Variants in CAMTA1 observed in about 807,000 individuals in gnomAD.
CAMTA1 encodes calmodulin-binding transcription activator 1.
A neutral mutation model predicts 170.9 loss-of-function variants in CAMTA1; 27 were observed. The observed-to-expected ratio is 0.16, with a 90% CI of 0.12 to 0.22. The LOEUF is 0.22. Ranked by LOEUF, CAMTA1 falls within the 10% of genes least tolerant of loss-of-function variation. CAMTA1 has a pLI of 1.00. For synonymous variants in CAMTA1, 833 were observed against 891.5 expected (o/e 0.93, Z 1.17); for missense variants, 1,619 against 2,217.2 (o/e 0.73, Z 5.42).
chr1:7,713,948 C>T (rs2096590582), intron 11 of CAMTA1, among the ~76,000 whole-genome samples: 3 of 152,092 alleles, frequency 2.0e-5, no homozygotes, highest in South Asian at 4.2e-4. Flanking sequence ...CGCAGCCACT[C>T]GGGGGTCCAC....
chr1:6,974,362 C>T (rs1216739403), intron 3 of CAMTA1, among the ~76,000 whole-genome samples: 1 of 152,202 alleles, frequency 6.6e-6, no homozygotes, highest in African/African-American at 2.4e-5. Flanking sequence ...AATAATTCTG[C>T]TTTATGCAGA....
At chr1:7,135,521 C>T (rs918246869) in intron 4 of CAMTA1, among the ~76,000 whole-genome samples, 3 of 152,182 alleles carry the variant, frequency 2.0e-5, no homozygotes, top group Admixed American at 6.5e-5. Context: ...TTGGAGACCT[C>T]TTACACTCTT....
At chr1:7,544,181 CA>C (rs1319248264) in intron 6 of CAMTA1, among the ~76,000 whole-genome samples, 2 of 152,038 alleles carry the variant, frequency 1.3e-5, no homozygotes, top group Non-Finnish European at 2.9e-5. Context: ...TGGTGGGAAG[CA>C]AAAGGCACTT....
intron 3 of CAMTA1, among the ~76,000 whole-genome samples, chr1:6,985,754 T>C (rs1695253098): frequency 6.6e-6 from 1 of 152,212 alleles, no homozygotes; most frequent in South Asian, 2.1e-4. Context: ...CAGTGGGCTG[T>C]GTGTGAGCAG....
Position 7,732,430 on chromosome 1 carries a change from C to T in CAMTA1, c.2915-18C>T. The T allele has an allele frequency of 6.2e-7, 1 of 1,609,848 alleles. No homozygotes were observed. Among genetic ancestry groups the T allele is most frequent in the Non-Finnish European group, 8.5e-7 (1 of 1,176,454 alleles). On this transcript the variant is annotated intron_variant, in intron 11 of 22. Transcript: ENST00000303635. The surrounding 1 kb of genome is among the most constrained non-coding windows in gnomAD (Gnocchi z 4.1). Reference sequence around the variant, plus strand: ...TCTTCCAGAACACAACCTCACTCTTCCTCCTGCTCTGCCCTAGATAACCAG... The same window carrying T: ...TCTTCCAGAACACAACCTCACTCTTTCTCCTGCTCTGCCCTAGATAACCAG...
chr1:7,217,583 CT>C (rs1391980156), intron 4 of CAMTA1, among the ~76,000 whole-genome samples: 1 of 151,930 alleles, frequency 6.6e-6, no homozygotes, highest in Non-Finnish European at 1.5e-5. Flanking sequence ...ACTTGCTGTA[CT>C]TGTCTTTCTA....
In CAMTA1 at chr1:7,050,051, G is replaced by T. The variant is rs1706070790; in HGVS notation, c.235-41253G>T. ...CTGGGCAAAGACGTTCCCAGGAGGG[G>T]ACTGCAAGCGCGGTGTCCTTGGGGC... is the stretch of plus-strand genomic sequence containing the variant. On this transcript the variant is annotated intron_variant, in intron 3 of 22. Coordinates refer to ENST00000303635, the MANE Select transcript of CAMTA1 (RefSeq NM_015215.4). The surrounding 1 kb of genome is among the most constrained non-coding windows in gnomAD (Gnocchi z 4.8). Among the ~76,000 whole-genome samples the T allele has an allele frequency of 6.6e-6, 1 of 152,234 alleles. No individual in the cohort carries two copies. Among genetic ancestry groups the T allele is most frequent in the East Asian group, 1.9e-4 (1 of 5,200 alleles).
At chr1:7,574,138 G>C (rs1479407681) in intron 6 of CAMTA1, among the ~76,000 whole-genome samples, 1 of 119,448 alleles carries the variant, frequency 8.4e-6, no homozygotes, top group Non-Finnish European at 1.5e-5. Context: ...TTCCCTGCAG[G>C]TGTCCACCCG....
chr1:6,802,597 A>G (rs937453980), intron 1 of CAMTA1, among the ~76,000 whole-genome samples: 2 of 152,220 alleles, frequency 1.3e-5, no homozygotes, highest in African/African-American at 4.8e-5. Context: ...TTCAGATGCT[A>G]TAGAGTTTTG....
intron 3 of CAMTA1, among the ~76,000 whole-genome samples, chr1:7,002,675 G>A (rs1394138585): frequency 6.6e-6 from 1 of 152,180 alleles, no homozygotes; most frequent in Non-Finnish European, 1.5e-5. Flanking sequence ...TTACTCAACC[G>A]ACAGTGCATC....
chr1:6,838,178 T>A (rs962138582), intron 3 of CAMTA1, among the ~76,000 whole-genome samples: 1 of 152,182 alleles, frequency 6.6e-6, no homozygotes, highest in Non-Finnish European at 1.5e-5. Context: ...ATACTCTGTT[T>A]CTGAATTAAA....
intron 19 of CAMTA1, 136 bp downstream of exon 19, chr1:7,747,917 T>TTA: frequency 1.7e-6 from 1 of 571,438 alleles, no homozygotes; most frequent in East Asian, 3.2e-5. Context: ...TTTTTTTTTT[T>TTA]TTATTTTTTT....
chr1:6,936,754 C>T (rs775385565), intron 3 of CAMTA1, among the ~76,000 whole-genome samples: 4 of 152,128 alleles, frequency 2.6e-5, no homozygotes, highest in South Asian at 4.2e-4. Context: ...TTTGGGAGGC[C>T]GAGGCAGGTG....
intron 5 of CAMTA1, among the ~76,000 whole-genome samples, chr1:7,427,187 T>G (rs1022383859): frequency 6.6e-6 from 1 of 152,182 alleles, no homozygotes; most frequent in African/African-American, 2.4e-5. Context: ...TGATAAAAAA[T>G]TAATGCTGCG....
intron 3 of CAMTA1, among the ~76,000 whole-genome samples, chr1:7,030,571 T>C (rs1702641262): frequency 6.6e-6 from 1 of 152,370 alleles, no homozygotes; most frequent in South Asian, 2.1e-4. Flanking sequence ...GTTGAAGTGA[T>C]AGTCTGCCCA....
At position 7,598,567 on chromosome 1, in the gene CAMTA1, T is replaced by C. The variant is rs998092838; in HGVS notation, c.511-41833T>C. Among the ~76,000 whole-genome samples the C allele has an allele frequency of 2.6e-5, 4 of 152,232 alleles. No homozygotes were observed. The East Asian group carries it at 7.7e-4, about 29-fold the overall frequency. On this transcript the variant is annotated intron_variant, in intron 6 of 22. Transcript: ENST00000303635. ...AGTCCCACCAACAGTGTAAAAGTGT[T>C]CCTATTTCTCCACATCCTCTCCAGC...
At chr1:6,821,519 T>G (rs1646481107) in intron 2 of CAMTA1, among the ~76,000 whole-genome samples, 1 of 152,164 alleles carries the variant, frequency 6.6e-6, no homozygotes. Context: ...TCAAAGATAT[T>G]CCCAATAAGA....
chr1:7,065,797 T>C lies in CAMTA1; in HGVS notation c.235-25507T>C, dbSNP rs553515519. On this transcript the variant is annotated intron_variant, in intron 3 of 22. Transcript: ENST00000303635. The surrounding 1 kb of genome is among the most constrained non-coding windows in gnomAD (Gnocchi z 5.2). ...TGATTTTTCTTTCAACCTGGTAAAA[T>C]AGTTTTCTTCTGTCAAAGAGCAAGT... is the stretch of plus-strand genomic sequence containing the variant. Among the ~76,000 whole-genome samples the C allele has an allele frequency of 6.6e-6, 1 of 152,286 alleles. No individual in the cohort carries two copies. The highest frequency in any genetic ancestry group is 2.1e-4 in the South Asian group (1 of 4,818).
At chr1:7,669,847 G>C (rs564436300) in intron 9 of CAMTA1, among the ~76,000 whole-genome samples, 1 of 152,186 alleles carries the variant, frequency 6.6e-6, no homozygotes, top group African/African-American at 2.4e-5. Flanking sequence ...CCCTCTCCTC[G>C]GCTAAGCCGT....
Sources: gnomAD v4.1 joint callset for allele counts (sites outside exome capture counted in the v4.1 genomes callset) on GRCh38, gnomAD v4.1.1 for gene constraint, Gnocchi (gnomAD v3.1) non-coding constraint, MANE v1.5 for transcripts, NCBI Gene and HGNC (gene_info 2026-07-23, HGNC 2026-07-21) for gene names.